The following RASGRP3 variants were observed in gnomAD, a reference collection of about 807,000 sequenced individuals.
The protein encoded by RASGRP3 is ras guanyl-releasing protein 3.
In RASGRP3, 54 loss-of-function variants were observed where a neutral mutation model predicts 82.7. The observed-to-expected ratio is 0.65, with a 90% confidence interval of 0.52 to 0.82. The LOEUF is 0.82. Among genes scored for constraint, RASGRP3 ranks in the 40% least tolerant of loss-of-function variants. RASGRP3 has a pLI of 0.00. For missense variants in RASGRP3, 861 were observed against 828.9 expected (o/e 1.04, Z -0.48); for synonymous variants, 309 against 300.5 (o/e 1.03, Z -0.29).
chr2:33,492,368 A>G (rs17013137), intron 1 of RASGRP3, among the ~76,000 whole-genome samples: 16,479 of 152,204 alleles, frequency 0.11, 999 homozygotes, highest in African/African-American at 0.17. Context: ...AAAGAAGCCC[A>G]TGGACACAAA....
rs1449631854 is a variant in RASGRP3, at chr2:33,562,745, C to G, written c.*8C>G. ...GTGTTTCAGGATGGCTGACTTCAGG[C>G]TGCGGAAACTGAAGGCAATAATGTT... is the stretch of plus-strand genomic sequence containing the variant. On this transcript the variant is annotated 3_prime_UTR_variant, in exon 18 of 18. Coordinates refer to ENST00000403687, the MANE Select transcript of RASGRP3 (RefSeq NM_001139488.2). 6.2e-7 allele frequency: 1 copy of G among 1,613,264 alleles called. No homozygotes were observed. The highest frequency in any genetic ancestry group is 8.5e-7 in the Non-Finnish European group (1 of 1,179,322).
intron 1 of RASGRP3, among the ~76,000 whole-genome samples, chr2:33,486,667 G>A (rs763091279): frequency 6.6e-6 from 1 of 152,184 alleles, no homozygotes; most frequent in Non-Finnish European, 1.5e-5. Flanking sequence ...TTCAGAGAAA[G>A]GAGATAACTA....
At chr2:33,517,118 A>T (rs1167530559) in intron 4 of RASGRP3, among the ~76,000 whole-genome samples, 2 of 152,218 alleles carry the variant, frequency 1.3e-5, no homozygotes, top group Non-Finnish European at 2.9e-5. Context: ...CACAATGAAC[A>T]TTCTAGCAGA....
intron 1 of RASGRP3, among the ~76,000 whole-genome samples, 170 bp from the exon 2 acceptor site, chr2:33,511,540 A>G (rs1264787626): frequency 6.6e-6 from 1 of 152,246 alleles, no homozygotes; most frequent in Non-Finnish European, 1.5e-5. Context: ...TTACCAAATA[A>G]CTATTTTGAA....
intron 1 of RASGRP3, among the ~76,000 whole-genome samples, chr2:33,443,430 A>G (rs1665333647): frequency 6.6e-6 from 1 of 152,144 alleles, no homozygotes; most frequent in Admixed American, 6.5e-5. Context: ...GCTGGGTATT[A>G]CTAGAATTCT....
chr2:33,523,940 G>C lies in RASGRP3; in HGVS notation c.578G>C (p.Arg193Thr). The change falls in exon 8 of 18, where the codon AGA becomes ACA. Residue 193 changes from arginine (R) to threonine (T), a missense_variant. Physicochemically the swap from Arg to Thr is moderately conservative, Grantham distance 71. Coordinates refer to ENST00000403687, the MANE Select transcript of RASGRP3 (RefSeq NM_001139488.2). ...CTGGAGAATAATCCAACCTTGGAAAGATCGATTGCTTTATTTAATGGAATC... is the reference window on the plus strand; with the variant it reads ...CTGGAGAATAATCCAACCTTGGAAACATCGATTGCTTTATTTAATGGAATC... ...GCLENNPTLE[R>T]SIALFNGISK... is the part of the protein sequence containing the mutation. The C allele has an allele frequency of 6.2e-7, 1 of 1,613,952 alleles. No homozygotes were observed. Among genetic ancestry groups the C allele is most frequent in the Non-Finnish European group, 8.5e-7 (1 of 1,179,848 alleles).
At chr2:33,460,495 A>G (rs908819748) in intron 2 of RASGRP3, among the ~76,000 whole-genome samples, 6 of 151,604 alleles carry the variant, frequency 4.0e-5, no homozygotes, top group Non-Finnish European at 8.8e-5. Context: ...TACAGTGGGC[A>G]TGTATTGTTT....
At chr2:33,527,062 GC>G (rs11292992) in intron 9 of RASGRP3, 74 bp from the exon 10 acceptor site, 153,878 of 1,476,006 alleles carry the variant, frequency 0.1, 9,631 homozygotes, top group African/African-American at 0.29. Context: ...GAATTTCCTA[GC>G]CACACATTGC....
intron 2 of RASGRP3, among the ~76,000 whole-genome samples, chr2:33,458,403 G>A (rs1300620780): frequency 6.6e-6 from 1 of 152,126 alleles, no homozygotes; most frequent in Non-Finnish European, 1.5e-5. Flanking sequence ...AGAGCGTGTT[G>A]GCTGGTGTAG....
In RASGRP3 at chr2:33,520,545, C is replaced by A; in HGVS notation, c.237-8C>A. 6.2e-7 allele frequency: 1 copy of A among 1,612,766 alleles called. No individual in the cohort carries two copies. The highest frequency in any genetic ancestry group is 8.5e-7 in the Non-Finnish European group (1 of 1,179,026). On this transcript the variant is annotated splice_polypyrimidine_tract_variant and splice_region_variant and intron_variant, in intron 5 of 17. Transcript: ENST00000403687. ...TTCCAGCTGCCAAAAATATTTGATG[C>A]CTTTCAGGTACTGGATTCTGAAGTT...
chr2:33,549,158 A>C (rs1395902421), intron 13 of RASGRP3, among the ~76,000 whole-genome samples: 1 of 152,160 alleles, frequency 6.6e-6, no homozygotes, highest in East Asian at 1.9e-4. Context: ...AATATCACCA[A>C]GGAGCCCGGA....
intron 11 of RASGRP3, among the ~76,000 whole-genome samples, chr2:33,537,992 C>T (rs1485795025): frequency 1.3e-5 from 2 of 152,166 alleles, no homozygotes; most frequent in Non-Finnish European, 2.9e-5. Context: ...AAGGTGCAGA[C>T]GTAAGGACAT....
Position 33,536,640 on chromosome 2 carries a change from T to C in RASGRP3, c.1161+2240T>C, listed in dbSNP as rs1020848422. Among the ~76,000 whole-genome samples the C allele has an allele frequency of 9.8e-5, 15 of 152,352 alleles. 1 individual carries two copies. The highest frequency in any genetic ancestry group is 8.5e-4 in the Admixed American group (13 of 15,306). On this transcript the variant is annotated intron_variant, in intron 11 of 17. Transcript: ENST00000403687. ...TATTTGTTGTAAGAGTAGAAGCTTT[T>C]GAAAGTCCCTTCTAAGTGCTAAAAT...
intron 3 of RASGRP3, 33 bp from the exon 4 acceptor site, chr2:33,516,509 A>G: frequency 7.2e-7 from 1 of 1,385,812 alleles, no homozygotes; most frequent in Non-Finnish European, 1.0e-6. Flanking sequence ...TAGCACTATT[A>G]TCTCCTCACT....
rs1479306959 is a variant in RASGRP3, at chr2:33,515,059, C to T, written c.-78C>T. The T allele has an allele frequency of 1.1e-5, 15 of 1,378,166 alleles. No homozygotes were observed. The highest frequency in any genetic ancestry group is 5.0e-5 in the Admixed American group (3 of 59,620). 85.4% of individuals were successfully genotyped at this position (1,378,166 alleles called of 1,614,324 possible). A position where few individuals can be genotyped will look rare whatever the true frequency, so the allele number is the denominator to read the frequency against. ...ACAGGTCACCACTAGGCACTAACAT[C>T]GCTGACTTGCATGATTATGGAGATG... On this transcript the variant is annotated 5_prime_UTR_variant, in exon 3 of 18. Transcript: ENST00000403687.
rs1238363589 is a variant in RASGRP3, at chr2:33,536,153, T to C, written c.1161+1753T>C. Among the ~76,000 whole-genome samples the C allele has an allele frequency of 2.0e-5, 3 of 151,682 alleles. No individual in the cohort carries two copies. The East Asian group carries it at 5.8e-4, about 29-fold the overall frequency. ...CTTGTCTCTACTAAAAATACAAAAA[T>C]TAGCCGGGCATGCTAGCATGTGCCT... On this transcript the variant is annotated intron_variant, in intron 11 of 17. Coordinates refer to ENST00000403687, the MANE Select transcript of RASGRP3 (RefSeq NM_001139488.2).
chr2:33,480,256 G>A (rs1667773338), intron 1 of RASGRP3, among the ~76,000 whole-genome samples: 1 of 152,038 alleles, frequency 6.6e-6, no homozygotes, highest in Non-Finnish European at 1.5e-5. Flanking sequence ...TGTTAGCCAG[G>A]ATGCTCTCGA....
At chr2:33,442,776 A>G (rs148600250) in intron 1 of RASGRP3, among the ~76,000 whole-genome samples, 1 of 152,378 alleles carries the variant, frequency 6.6e-6, no homozygotes, top group East Asian at 1.9e-4. Flanking sequence ...GATGGTCAGC[A>G]AATCAAACTG....
intron 1 of RASGRP3, among the ~76,000 whole-genome samples, chr2:33,505,328 G>C (rs1276055983): frequency 2.0e-5 from 3 of 150,162 alleles, no homozygotes; most frequent in African/African-American, 7.4e-5. Flanking sequence ...TTGAGATGGA[G>C]TTTTGCTCTT....
Sources: gnomAD v4.1 joint callset for allele counts (sites outside exome capture counted in the v4.1 genomes callset) on GRCh38, gnomAD v4.1.1 for gene constraint, MANE v1.5 for transcripts, NCBI Gene and HGNC (gene_info 2026-07-23, HGNC 2026-07-21) for gene names.